ASTN2: variants seen among roughly 807,000 people sequenced by gnomAD.
ASTN2 encodes astrotactin-2.
A neutral mutation model predicts 139.8 loss-of-function variants in ASTN2; 54 were observed. The ratio of observed to expected loss-of-function variants is 0.39; its 90% confidence interval spans 0.31 to 0.48. The LOEUF (loss-of-function observed/expected upper bound fraction) is 0.48, where lower values mean the gene tolerates loss of function less well. Among genes scored for constraint, ASTN2 ranks in the 20% least tolerant of loss-of-function variants. ASTN2 has a pLI of 0.95. For synonymous variants in ASTN2, 756 were observed against 719.5 expected, an observed-to-expected ratio of 1.05 and a Z score of -0.81; for missense variants, 1,565 against 1,725.1, an observed-to-expected ratio of 0.91 and a Z score of 1.64.
intron 19 of ASTN2, among the ~76,000 whole-genome samples, chr9:116,598,559 A>G (rs1303180843): frequency 2.6e-5 from 4 of 152,242 alleles, no homozygotes; most frequent in African/African-American, 9.6e-5. Flanking sequence ...AACCAACCAC[A>G]TATTTTTAGG....
At chr9:117,207,176 A>G (rs1831955444) in intron 3 of ASTN2, among the ~76,000 whole-genome samples, 1 of 152,214 alleles carries the variant, frequency 6.6e-6, no homozygotes, top group African/African-American at 2.4e-5. Context: ...CCTTGTACTT[A>G]TATTCCAGAC....
At chr9:116,641,664 T>C (rs1009925936) in intron 17 of ASTN2, among the ~76,000 whole-genome samples, 2 of 152,342 alleles carry the variant, frequency 1.3e-5, no homozygotes, top group South Asian at 4.1e-4. Flanking sequence ...TTCTCTGACA[T>C]GCAAAAATGT....
At chr9:117,202,299 C>A (rs1036487848) in intron 3 of ASTN2, among the ~76,000 whole-genome samples, 25 of 152,104 alleles carry the variant, frequency 1.6e-4, no homozygotes, top group African/African-American at 5.3e-4. Context: ...AACCAATTTG[C>A]CAGCCTGTGT....
chr9:116,691,042 C>T (rs954805923), intron 16 of ASTN2, among the ~76,000 whole-genome samples: 1 of 152,146 alleles, frequency 6.6e-6, no homozygotes, highest in African/African-American at 2.4e-5. Flanking sequence ...ATCTCAGCCT[C>T]CCAAGTAGCT....
chr9:117,059,667 C>T (rs1041817255), intron 5 of ASTN2, among the ~76,000 whole-genome samples: 3 of 151,970 alleles, frequency 2.0e-5, no homozygotes, highest in African/African-American at 7.3e-5. Context: ...CCACCACCAA[C>T]AAAAAAACAC....
At chr9:117,163,805 T>C (rs534372949) in intron 3 of ASTN2, among the ~76,000 whole-genome samples, 2 of 152,202 alleles carry the variant, frequency 1.3e-5, no homozygotes, top group South Asian at 4.1e-4. Context: ...TTTTGCTATA[T>C]ATTCCCATTT....
At chr9:117,397,090 C>A (rs1830697812) in intron 1 of ASTN2, among the ~76,000 whole-genome samples, 1 of 151,960 alleles carries the variant, frequency 6.6e-6, no homozygotes, top group South Asian at 2.1e-4. Flanking sequence ...TACAGGCATG[C>A]ACCACCATGC....
rs1369686246 is a variant in ASTN2, at chr9:117,370,974, A to C, written c.442+43523T>G. Among the ~76,000 whole-genome samples the C allele has an allele frequency of 9.2e-5, 14 of 152,228 alleles. No homozygotes were observed. In the South Asian group the frequency reaches 2.7e-3, roughly 29 times the overall value. On this transcript the variant is annotated intron_variant, in intron 1 of 22. Transcript: ENST00000313400. Reference sequence around the variant, plus strand: ...CCCTACATTATTAAATAACCACAACAATCTGAAGGGAAGGCCAAGACTAAA... The same window carrying C: ...CCCTACATTATTAAATAACCACAACCATCTGAAGGGAAGGCCAAGACTAAA...
intron 3 of ASTN2, among the ~76,000 whole-genome samples, chr9:117,164,539 C>T (rs1169275669): frequency 1.3e-5 from 2 of 152,098 alleles, no homozygotes; most frequent in African/African-American, 4.8e-5. Context: ...GCCTCCTGGT[C>T]TCCTTAAACC....
At chr9:117,058,156 G>A (rs1216671899) in intron 5 of ASTN2, among the ~76,000 whole-genome samples, 1 of 152,118 alleles carries the variant, frequency 6.6e-6, no homozygotes, top group Non-Finnish European at 1.5e-5. Flanking sequence ...ACCTGGTATT[G>A]AGTATCAGCT....
At chr9:116,775,756 G>A (rs994011669) in intron 13 of ASTN2, among the ~76,000 whole-genome samples, 74 of 128,220 alleles carry the variant, frequency 5.8e-4, no homozygotes, top group Admixed American at 1.4e-3. Context: ...AGGAAGGAGG[G>A]AGGGAGGAGG....
chr9:116,730,806 A>T (rs1828756109), intron 14 of ASTN2, among the ~76,000 whole-genome samples: 1 of 151,236 alleles, frequency 6.6e-6, no homozygotes, highest in South Asian at 2.1e-4. Flanking sequence ...AAATTTAAAA[A>T]CTCCTTCTGA....
At chr9:116,802,363 G>A (rs772398309) in intron 13 of ASTN2, among the ~76,000 whole-genome samples, 1 of 152,154 alleles carries the variant, frequency 6.6e-6, no homozygotes, top group East Asian at 1.9e-4. Context: ...TGGGATGACA[G>A]GCATGAGCCA....
At chr9:116,689,178 G>A (rs969780166) in intron 16 of ASTN2, among the ~76,000 whole-genome samples, 74 of 152,308 alleles carry the variant, frequency 4.9e-4, no homozygotes, top group African/African-American at 1.8e-3. Context: ...CTGACCTAGA[G>A]TCAGATACCC....
chr9:116,958,929 GA>G (rs1338325655), intron 10 of ASTN2, among the ~76,000 whole-genome samples: 2 of 152,138 alleles, frequency 1.3e-5, no homozygotes, highest in Non-Finnish European at 2.9e-5. Context: ...TTTTTGTGCT[GA>G]AAAAACTATT....
chr9:116,688,643 G>A (rs1037017118), intron 16 of ASTN2, among the ~76,000 whole-genome samples: 2 of 107,038 alleles, frequency 1.9e-5, no homozygotes, highest in Non-Finnish European at 5.0e-5. Flanking sequence ...CCGGTCCCCC[G>A]GCCCACTGAA....
At chr9:116,566,595 T>C (rs1216289977) in intron 19 of ASTN2, among the ~76,000 whole-genome samples, 2 of 152,186 alleles carry the variant, frequency 1.3e-5, no homozygotes, top group Admixed American at 6.5e-5. Flanking sequence ...GATGTGTCAA[T>C]ACCTGCAGCG....
rs117548531 is a variant in ASTN2, at chr9:116,708,459, A to T, written c.2806+17312T>A. ...CTTTTACTCAGCTACTCATGGGATA[A>T]CAACAGCCAGGTCTTCACACAGCCT... On this transcript the variant is annotated intron_variant, in intron 16 of 22. Coordinates refer to ENST00000313400, the MANE Select transcript of ASTN2 (RefSeq NM_001365068.1). Among the ~76,000 whole-genome samples the T allele has an allele frequency of 4.4e-4, 67 of 152,342 alleles. 2 individuals are homozygous for T. In the East Asian group the frequency reaches 0.012, roughly 27 times the overall value.
intron 5 of ASTN2, among the ~76,000 whole-genome samples, chr9:117,042,049 G>A (rs897532034): frequency 1.3e-5 from 2 of 152,094 alleles, no homozygotes; most frequent in Non-Finnish European, 2.9e-5. Flanking sequence ...CACAGTGACT[G>A]GCTCATTGCA....
Sources: allele counts gnomAD v4.1 joint callset (sites outside exome capture counted in the v4.1 genomes callset), GRCh38; gene constraint gnomAD v4.1.1; transcripts MANE v1.5; gene names NCBI Gene and HGNC (gene_info 2026-07-23, HGNC 2026-07-21).